Variants in IQCH observed in about 807,000 individuals in gnomAD.
IQCH encodes IQ motif containing H.
Under a neutral mutation model 117.0 loss-of-function variants are expected in IQCH, and 98 were observed. That is an observed-to-expected ratio of 0.84 (90% CI 0.71 to 0.99). The LOEUF is 0.99. IQCH is among the 50% of genes least tolerant of loss of function. IQCH has a pLI of 0.00. For synonymous variants in IQCH, 412 were observed against 448.2 expected (o/e 0.92, Z 1.02); for missense variants, 1,102 against 1,243.8 (o/e 0.89, Z 1.72).
Position 67,370,051 on chromosome 15 carries a change from C to T in IQCH, c.754-2060C>T, listed in dbSNP as rs1970472578. ...AAACAGCCACTGATAAATTTTGCTCCCACTGCCACCCAAGGCTGTTCTTTC... is the reference window on the plus strand; with the variant it reads ...AAACAGCCACTGATAAATTTTGCTCTCACTGCCACCCAAGGCTGTTCTTTC... On this transcript the variant is annotated intron_variant, in intron 8 of 20. Transcript: ENST00000335894. This position sits in a 1 kb window ranked among gnomAD's most constrained non-coding sequence, Gnocchi z 5.6. 6.6e-6 allele frequency among the ~76,000 whole-genome samples: 1 copy of T among 152,104 alleles called. No homozygotes were observed. Among genetic ancestry groups the T allele is most frequent in the Admixed American group, 6.5e-5 (1 of 15,268 alleles).
At chr15:67,294,086 G>C (rs1966839636) in intron 4 of IQCH, among the ~76,000 whole-genome samples, 1 of 152,140 alleles carries the variant, frequency 6.6e-6, no homozygotes, top group South Asian at 2.1e-4. Context: ...CCTGGGCTTT[G>C]ATGTAACCAT....
At chr15:67,429,287 G>A (rs1251852700) in intron 16 of IQCH, among the ~76,000 whole-genome samples, 1 of 152,210 alleles carries the variant, frequency 6.6e-6, no homozygotes, top group African/African-American at 2.4e-5. Context: ...GCTGAGATGG[G>A]AGGATCACTT....
intron 4 of IQCH, among the ~76,000 whole-genome samples, chr15:67,307,894 G>A (rs563456613): frequency 2.0e-5 from 3 of 152,194 alleles, no homozygotes; most frequent in East Asian, 1.9e-4. Context: ...TTGAAAGGTC[G>A]CCATTTGTTT....
intron 10 of IQCH, chr15:67,373,890 C>T (rs554758327): frequency 3.6e-5 from 7 of 196,612 alleles, no homozygotes; most frequent in South Asian, 9.6e-5. Flanking sequence ...GTTCTAATTA[C>T]GAGCAGATGG....
intron 18 of IQCH, among the ~76,000 whole-genome samples, chr15:67,480,747 G>T (rs2083318224): frequency 6.6e-6 from 1 of 151,914 alleles, no homozygotes; most frequent in Admixed American, 6.6e-5. Context: ...ATTATGAAGT[G>T]GTGAAATATT....
intron 12 of IQCH, among the ~76,000 whole-genome samples, chr15:67,389,832 G>A (rs1268639540): frequency 6.7e-6 from 1 of 149,558 alleles, no homozygotes; most frequent in Non-Finnish European, 1.5e-5. Flanking sequence ...CTATGTGTTG[G>A]GTGACTACCC....
intron 18 of IQCH, among the ~76,000 whole-genome samples, chr15:67,488,573 G>GC (rs1490316163): frequency 6.6e-6 from 1 of 152,058 alleles, no homozygotes; most frequent in Non-Finnish European, 1.5e-5. Flanking sequence ...ATCTGATAAG[G>GC]CAGCAGGGAG....
chr15:67,287,102 T>A (rs1005720413), intron 4 of IQCH, among the ~76,000 whole-genome samples: 1 of 152,238 alleles, frequency 6.6e-6, no homozygotes, highest in Non-Finnish European at 1.5e-5. Flanking sequence ...TGAACCCTCC[T>A]TCCATTTCTG....
Position 67,263,235 on chromosome 15 carries a change from T to A in IQCH, c.269+19T>A. 8.4e-7 allele frequency: 1 copy of A among 1,194,526 alleles called. No homozygotes were observed. The allele number at this position is 1,194,526 out of a possible 1,614,324, so 74.0% of individuals were successfully genotyped here. A position where few individuals can be genotyped will look rare whatever the true frequency, so the allele number is the denominator to read the frequency against. On this transcript the variant is annotated intron_variant, in intron 3 of 20. Transcript: ENST00000335894. ...CCAAATGGTAAGTAAAATAGCCATT[T>A]AGAGCCCAAAGTAAATAAAATTGAG...
intron 1 of IQCH, among the ~76,000 whole-genome samples, chr15:67,258,234 CAAAAAA>C (rs550150022): frequency 1.3e-5 from 1 of 79,686 alleles, no homozygotes; most frequent in African/African-American, 5.0e-5. Flanking sequence ...GACTCTGTGT[CAAAAAA>C]AAAAAAAGGC....
rs112189693 is a variant in IQCH, at chr15:67,442,366, C to T, written c.2505+20789C>T. 9.3e-3 allele frequency among the ~76,000 whole-genome samples: 1,418 copies of T among 151,698 alleles called. 32 individuals carry two copies. The highest frequency in any genetic ancestry group is 0.032 in the African/African-American group (1,327 of 41,342). ...CGGAGGTTGTGGTGAGCCAAGATCA[C>T]GCCATTGCACTCCAGCGTGGGCAAC... On this transcript the variant is annotated intron_variant, in intron 16 of 20. Coordinates refer to ENST00000335894, the MANE Select transcript of IQCH (RefSeq NM_001031715.3).
intron 16 of IQCH, among the ~76,000 whole-genome samples, chr15:67,446,496 A>T (rs1397798674): frequency 6.6e-6 from 1 of 152,190 alleles, no homozygotes; most frequent in East Asian, 1.9e-4. Context: ...TAGAAAATGA[A>T]CCCAGGGACA....
At position 67,340,038 on chromosome 15, in the gene IQCH, A is replaced by G. The variant is rs532599373; in HGVS notation, c.508+2943A>G. On this transcript the variant is annotated intron_variant, in intron 5 of 20. Coordinates refer to ENST00000335894, the MANE Select transcript of IQCH (RefSeq NM_001031715.3). ...TAGCATGTGACCTTCCTTACCACCT[A>G]TAAGGCTGAAAATCATGTAAGCCAT... Among the ~76,000 whole-genome samples the G allele has an allele frequency of 3.9e-5, 6 of 152,166 alleles. No individual in the cohort carries two copies. The South Asian group carries it at 1.0e-3, about 26-fold the overall frequency.
At chr15:67,327,722 G>A (rs993502352) in intron 4 of IQCH, among the ~76,000 whole-genome samples, 1 of 152,182 alleles carries the variant, frequency 6.6e-6, no homozygotes, top group African/African-American at 2.4e-5. Context: ...GGTAGCAGCT[G>A]AAATCTCTGC....
intron 4 of IQCH, among the ~76,000 whole-genome samples, chr15:67,315,362 G>A (rs1326128635): frequency 2.0e-5 from 3 of 152,128 alleles, no homozygotes; most frequent in African/African-American, 7.2e-5. Context: ...AGCTACATTT[G>A]CCAAAAGGAT....
intron 17 of IQCH, among the ~76,000 whole-genome samples, chr15:67,469,939 TCCAGC>T (rs1318208595): frequency 1.3e-5 from 2 of 152,220 alleles, no homozygotes; most frequent in Non-Finnish European, 2.9e-5. Flanking sequence ...GAATCAGTGA[TCCAGC>T]CCCAGAGTGG....
At chr15:67,281,771 A>T in intron 4 of IQCH, 1 of 454,804 alleles carries the variant, frequency 2.2e-6, no homozygotes, top group South Asian at 1.6e-5. Context: ...GTCAAAGTAC[A>T]TATTTTGGGG....
At chr15:67,471,116 G>T (rs1159792673) in intron 17 of IQCH, among the ~76,000 whole-genome samples, 1 of 152,008 alleles carries the variant, frequency 6.6e-6, no homozygotes, top group Non-Finnish European at 1.5e-5. Flanking sequence ...CCCATCGGTA[G>T]ATTTTTGGGT....
In IQCH at chr15:67,434,997, T is replaced by A. The variant is rs7495019; in HGVS notation, c.2505+13420T>A. ...GTATTTTGTATCTTTGTTTTTTTTTTAATTTTTTTTAATTTTTTTAAGCTA... is the reference window on the plus strand; with the variant it reads ...GTATTTTGTATCTTTGTTTTTTTTTAAATTTTTTTTAATTTTTTTAAGCTA... On this transcript the variant is annotated intron_variant, in intron 16 of 20. Coordinates refer to ENST00000335894, the MANE Select transcript of IQCH (RefSeq NM_001031715.3). 7.4e-5 allele frequency among the ~76,000 whole-genome samples: 10 copies of A among 134,378 alleles called. No homozygotes were observed. The South Asian group carries it at 7.6e-4, about 10-fold the overall frequency. 88.2% of individuals were successfully genotyped at this position (134,378 alleles called of 152,430 possible).
Sources: allele counts gnomAD v4.1 joint callset (sites outside exome capture counted in the v4.1 genomes callset), GRCh38; gene constraint gnomAD v4.1.1; non-coding constraint Gnocchi (gnomAD v3.1); transcripts MANE v1.5; gene names NCBI Gene and HGNC (gene_info 2026-07-23, HGNC 2026-07-21).